MXD1: variants seen among roughly 807,000 people sequenced by gnomAD.
MXD1 encodes MAX-binding protein.
MXD1 carries 9 observed loss-of-function variants against 25.7 expected under a neutral mutation model. That is an observed-to-expected ratio of 0.35 (90% CI 0.21 to 0.61). The LOEUF (loss-of-function observed/expected upper bound fraction) is 0.61, where lower values mean the gene tolerates loss of function less well. MXD1 is among the 20% of genes least tolerant of loss of function. The pLI, the probability that MXD1 is intolerant of heterozygous loss-of-function variation, is 0.75. For synonymous variants in MXD1, 99 were observed against 113.9 expected, an observed-to-expected ratio of 0.87 and a Z score of 0.83; for missense variants, 227 against 292.4, an observed-to-expected ratio of 0.78 and a Z score of 1.63.
chr2:69,931,344 G>GC (rs1358643247), intron 3 of MXD1, among the ~76,000 whole-genome samples: 1 of 151,510 alleles, frequency 6.6e-6, no homozygotes, highest in East Asian at 1.9e-4. Context: ...ACCTTTCCCA[G>GC]CCTCTGGTAA....
In MXD1 at chr2:69,938,463, A is replaced by T. The variant is rs1216381697; in HGVS notation, c.*179A>T. On this transcript the variant is annotated 3_prime_UTR_variant, in exon 6 of 6. Transcript: ENST00000264444. ...GGATTGTGGGTTTCTGATTGCATCC[A>T]CTAGCTTCTCTTTTTCTCGCCATAA... 1.7e-6 allele frequency: 1 copy of T among 601,574 alleles called. No individual in the cohort carries two copies. Among genetic ancestry groups the T allele is most frequent in the Non-Finnish European group, 2.9e-6 (1 of 344,660 alleles). 37.3% of individuals were successfully genotyped at this position (601,574 alleles called of 1,614,324 possible).
intron 3 of MXD1, among the ~76,000 whole-genome samples, chr2:69,927,618 G>A (rs777945356): frequency 2.6e-5 from 4 of 152,102 alleles, no homozygotes; most frequent in Non-Finnish European, 5.9e-5. Context: ...GGCATTAATA[G>A]TCAAATAGTG....
At position 69,938,316 on chromosome 2, in the gene MXD1, G is replaced by T. The variant is rs1369770909; in HGVS notation, c.*32G>T. 2.5e-6 allele frequency: 4 copies of T among 1,607,906 alleles called. No individual in the cohort carries two copies. Among genetic ancestry groups the T allele is most frequent in the Non-Finnish European group, 3.4e-6 (4 of 1,175,856 alleles). ...GGGCACTGCGGCTGTCTCCTTGAAG[G>T]TTCTCCCTGTTGGTTCTGATTAGGT... On this transcript the variant is annotated 3_prime_UTR_variant, in exon 6 of 6. Coordinates refer to ENST00000264444, the MANE Select transcript of MXD1 (RefSeq NM_002357.4).
At chr2:69,916,583 C>T in intron 2 of MXD1, 1 of 183,676 alleles carries the variant, frequency 5.4e-6, no homozygotes, top group Non-Finnish European at 1.1e-5. Flanking sequence ...AGTCAAAATG[C>T]TGGACATTAT....
chr2:69,929,931 A>G (rs965661633), intron 3 of MXD1, among the ~76,000 whole-genome samples: 1 of 152,230 alleles, frequency 6.6e-6, no homozygotes, highest in Admixed American at 6.5e-5. Flanking sequence ...ACAATTTAAT[A>G]TCTGGTACAG....
At chr2:69,923,834 T>C (rs1278302157) in intron 3 of MXD1, among the ~76,000 whole-genome samples, 3 of 152,268 alleles carry the variant, frequency 2.0e-5, no homozygotes, top group African/African-American at 7.2e-5. Context: ...TCTCCCTTCT[T>C]CCTGCCTTTG....
chr2:69,928,096 C>G (rs1446888714), intron 3 of MXD1, among the ~76,000 whole-genome samples: 2 of 151,934 alleles, frequency 1.3e-5, no homozygotes, highest in African/African-American at 4.8e-5. Flanking sequence ...ATTAATAAAA[C>G]TTGTTCCTTC....
At chr2:69,919,664 C>G (rs1313438768) in intron 2 of MXD1, among the ~76,000 whole-genome samples, 1 of 152,016 alleles carries the variant, frequency 6.6e-6, no homozygotes, top group Non-Finnish European at 1.5e-5. Context: ...ATCTGTCAGG[C>G]TTTGAACTTA....
At chr2:69,916,494 G>T (rs1676964703) in intron 2 of MXD1, 1 of 266,780 alleles carries the variant, frequency 3.7e-6, no homozygotes, top group African/African-American at 2.3e-5. Flanking sequence ...AAAAAAATCT[G>T]TGGAAGCTTC....
chr2:69,941,624 C>G lies in MXD1; in HGVS notation c.*3340C>G, dbSNP rs886863067. The stretch of plus-strand genomic sequence containing the variant: ...CATTTTCCTTTAACCTCTACTTTTT[C>G]AAAAGCAACAAAGGGGCCTCAACCT... On this transcript the variant is annotated 3_prime_UTR_variant, in exon 6 of 6. Coordinates refer to ENST00000264444, the MANE Select transcript of MXD1 (RefSeq NM_002357.4). 6.6e-6 allele frequency: 1 copy of G among 152,060 alleles called. No homozygotes were observed. Among genetic ancestry groups the G allele is most frequent in the African/African-American group, 2.4e-5 (1 of 41,416 alleles). 9.4% of individuals were successfully genotyped at this position (152,060 alleles called of 1,614,324 possible). A position where few individuals can be genotyped will look rare whatever the true frequency, so the allele number is the denominator to read the frequency against.
intron 3 of MXD1, among the ~76,000 whole-genome samples, chr2:69,926,121 T>C (rs1389943547): frequency 6.6e-6 from 1 of 152,200 alleles, no homozygotes. Flanking sequence ...GTTTCCATAA[T>C]ATAAAGGACA....
chr2:69,935,382 T>C lies in MXD1; in HGVS notation c.235T>C (p.Leu79=). The C allele has an allele frequency of 6.2e-7, 1 of 1,614,130 alleles. No homozygotes were observed. The highest frequency in any genetic ancestry group is 1.1e-5 in the South Asian group (1 of 91,086). ...TCATCTTCGCTTGTGCCTGGAGAAG[T>C]TGAAGGGGCTGGTGCCACTTGGACC... ...RAHLRLCLEK[L]KGLVPLGPES... is the part of the protein sequence containing the mutation. The change falls in exon 4 of 6, where the codon TTG becomes CTG. Residue 79 remains leucine (L), a synonymous_variant. Transcript: ENST00000264444.
At chr2:69,922,521 CT>C (rs1286878018) in intron 3 of MXD1, among the ~76,000 whole-genome samples, 1 of 152,032 alleles carries the variant, frequency 6.6e-6, no homozygotes, top group African/African-American at 2.4e-5. Flanking sequence ...GTATATTTTT[CT>C]GGTGAGGGTA....
intron 1 of MXD1, 21 bp from the exon 2 acceptor site, chr2:69,916,100 C>G (rs181713845): frequency 1.4e-6 from 2 of 1,452,344 alleles, no homozygotes; most frequent in African/African-American, 1.4e-5. Flanking sequence ...CATTCATTAA[C>G]TGGATCCTCC....
At chr2:69,934,779 T>C (rs1327833322) in intron 3 of MXD1, among the ~76,000 whole-genome samples, 1 of 152,262 alleles carries the variant, frequency 6.6e-6, no homozygotes, top group African/African-American at 2.4e-5. Flanking sequence ...CTCATTCTTT[T>C]TGATAGCTAC....
chr2:69,933,208 AAAAAAAAAAAAAAAAAC>A (rs1403110393), intron 3 of MXD1, among the ~76,000 whole-genome samples: 4 of 150,840 alleles, frequency 2.7e-5, no homozygotes, highest in African/African-American at 9.7e-5. Flanking sequence ...CTCAAAAAAA[AAAAAAAAAAAAAAAAAC>A]AAAAAAAGAA....
chr2:69,920,549 A>C (rs760296952), intron 2 of MXD1, among the ~76,000 whole-genome samples: 36 of 149,060 alleles, frequency 2.4e-4, no homozygotes, highest in Admixed American at 1.7e-3. Flanking sequence ...TGATGAGTGA[A>C]CTTGATGTTG....
chr2:69,927,143 C>G (rs1470611392), intron 3 of MXD1, among the ~76,000 whole-genome samples: 1 of 152,192 alleles, frequency 6.6e-6, no homozygotes, highest in Non-Finnish European at 1.5e-5. Context: ...TCAGTCAGGT[C>G]TCTTCTGGAA....
At chr2:69,937,530 G>C in intron 5 of MXD1, 136 bp downstream of exon 5, 2 of 790,298 alleles carry the variant, frequency 2.5e-6, no homozygotes, top group Non-Finnish European at 3.9e-6. Context: ...CGAACAGTGT[G>C]ACCTCCAGTG....
Sources: allele counts gnomAD v4.1 joint callset (sites outside exome capture counted in the v4.1 genomes callset), GRCh38; gene constraint gnomAD v4.1.1; transcripts MANE v1.5; gene names NCBI Gene and HGNC (gene_info 2026-07-23, HGNC 2026-07-21).